Variants in SPON2 observed in about 807,000 individuals in gnomAD.
SPON2 encodes the protein spondin-2.
A neutral mutation model predicts 29.9 loss-of-function variants in SPON2; 32 were observed. The observed-to-expected ratio is 1.07, with a 90% CI of 0.81 to 1.44. The LOEUF (loss-of-function observed/expected upper bound fraction) is 1.44. Ranked by LOEUF, SPON2 falls within the 40% of genes most tolerant of loss-of-function variation. The pLI, the probability that SPON2 is intolerant of heterozygous loss-of-function variation, is 0.00. For missense variants in SPON2, 541 were observed against 455.5 expected, an observed-to-expected ratio of 1.19 and a Z score of -1.71; for synonymous variants, 248 against 209.1, an observed-to-expected ratio of 1.19 and a Z score of -1.61.
At position 1,167,446 on chromosome 4, in the gene SPON2, G is replaced by A. The variant is rs910341014; in HGVS notation, c.*26C>T. ...CCCCGACACCCCATGGCTCCGGGGG[G>A]CCCCAGGGGCTGCGGGGCTCTGGTC... On this transcript the variant is annotated 3_prime_UTR_variant, in exon 6 of 6. Coordinates refer to ENST00000290902, the MANE Select transcript of SPON2 (RefSeq NM_012445.4). The A allele has an allele frequency of 7.5e-6, 12 of 1,600,860 alleles. No individual in the cohort carries two copies. Among genetic ancestry groups the A allele is most frequent in the Non-Finnish European group, 9.4e-6 (11 of 1,172,392 alleles).
At position 1,171,181 on chromosome 4, in the gene SPON2, C is replaced by T; in HGVS notation, c.454G>A (p.Val152Met). The part of the protein sequence containing the change: ...VQRRHSLVSF[V>M]VRIVPSPDWF... ...TCGGGGCTGGGCACGATGCGCACCACAAACGAGACCTGCGGCGACAGCGGC... is the reference window on the plus strand; with the variant it reads ...TCGGGGCTGGGCACGATGCGCACCATAAACGAGACCTGCGGCGACAGCGGC... Residue 152 changes from valine (V) to methionine (M), a missense_variant, in exon 4 of 6, where the codon GTG (valine) becomes ATG (methionine). Coordinates refer to ENST00000290902, the MANE Select transcript of SPON2 (RefSeq NM_012445.4). 2 of 1,523,466 alleles carry T rather than the reference C, an allele frequency of 1.3e-6. No individual in the cohort carries two copies. The highest frequency in any genetic ancestry group is 1.8e-6 in the Non-Finnish European group (2 of 1,139,722). The allele number at this position is 1,523,466 out of a possible 1,614,324, so 94.4% of individuals were successfully genotyped here.
chr4:1,183,256 CAAAA>C (rs1377733019), intron 1 of SPON2, among the ~76,000 whole-genome samples: 1 of 118,792 alleles, frequency 8.4e-6, no homozygotes, highest in Non-Finnish European at 1.8e-5. Context: ...AAAAAAAAAA[CAAAA>C]AAGAAAGAGA....
intron 1 of SPON2, chr4:1,201,142 C>T (rs1020469484): frequency 2.2e-6 from 1 of 455,876 alleles, no homozygotes; most frequent in Non-Finnish European, 4.4e-6. Context: ...CAGCGGGACC[C>T]AGATTCCCTG....
chr4:1,201,551 G>C (rs1728205312), intron 1 of SPON2: 1 of 158,310 alleles, frequency 6.3e-6, no homozygotes, highest in Non-Finnish European at 1.4e-5. Context: ...GCCACACTGA[G>C]GTCCGCGCGC....
chr4:1,193,356 G>A (rs1050252384), intron 1 of SPON2, among the ~76,000 whole-genome samples: 5 of 152,080 alleles, frequency 3.3e-5, no homozygotes, highest in South Asian at 2.1e-4. Flanking sequence ...CCCCGTCACC[G>A]GGTATCTGTC....
intron 1 of SPON2, among the ~76,000 whole-genome samples, chr4:1,207,285 G>T (rs1031298447): frequency 6.6e-6 from 1 of 152,106 alleles, no homozygotes; most frequent in African/African-American, 2.4e-5. Flanking sequence ...GGGTGAGTCC[G>T]GCTGCTCGAC....
chr4:1,177,639 C>G (rs562594595), upstream of SPON2, among the ~76,000 whole-genome samples: 1 of 152,304 alleles, frequency 6.6e-6, no homozygotes, highest in South Asian at 2.1e-4. Context: ...CTTCAGGGGG[C>G]AGGGGTCCCA....
intron 1 of SPON2, chr4:1,201,026 T>C (rs777178399): frequency 2.2e-6 from 1 of 456,276 alleles, no homozygotes; most frequent in South Asian, 1.5e-5. Context: ...CCATACCTGG[T>C]CTGGGCTGAG....
chr4:1,200,972 G>A (rs1278000432), intron 1 of SPON2: 1 of 456,750 alleles, frequency 2.2e-6, no homozygotes, highest in Non-Finnish European at 4.4e-6. Context: ...TGTACGCCAG[G>A]GCCTTCTAGA....
chr4:1,167,440 C>T lies in SPON2; in HGVS notation c.*32G>A, dbSNP rs762551399. On this transcript the variant is annotated 3_prime_UTR_variant, in exon 6 of 6. Coordinates refer to ENST00000290902, the MANE Select transcript of SPON2 (RefSeq NM_012445.4). Reference sequence around the variant, plus strand: ...AGGAGCCCCCGACACCCCATGGCTCCGGGGGGCCCCAGGGGCTGCGGGGCT... The same window carrying T: ...AGGAGCCCCCGACACCCCATGGCTCTGGGGGGCCCCAGGGGCTGCGGGGCT... The T allele has an allele frequency of 8.1e-6, 13 of 1,595,786 alleles. No homozygotes were observed. The highest frequency in any genetic ancestry group is 9.4e-6 in the Non-Finnish European group (11 of 1,169,898).
upstream of SPON2, among the ~76,000 whole-genome samples, chr4:1,197,482 C>T (rs1728095251): frequency 6.6e-6 from 1 of 152,098 alleles, no homozygotes; most frequent in Non-Finnish European, 1.5e-5. Context: ...CCATAAATAT[C>T]AATCCATAAA....
At chr4:1,207,735 T>G (rs924731952) in intron 1 of SPON2, 1 of 154,546 alleles carries the variant, frequency 6.5e-6, no homozygotes, top group Non-Finnish European at 1.4e-5. Flanking sequence ...TAACCTTATA[T>G]TGTTCAAGTC....
In SPON2 at chr4:1,170,467, C is replaced by T. The variant is rs369188784; in HGVS notation, c.746G>A (p.Arg249Lys). ...GACTGGGGCGGGAGGGATGAAGGCC[C>T]TGGGGCTCTGTCGCAGCCGCACCAG... ...VTLVRLRQSPRAFIPPAPVLP... is the reference protein window; with the variant it reads ...VTLVRLRQSPKAFIPPAPVLP... The change falls in exon 5 of 6, where the codon AGG becomes AAG. Residue 249 changes from arginine to lysine, a missense_variant. Physicochemically the swap from Arg to Lys is conservative, Grantham distance 26. Coordinates refer to ENST00000290902, the MANE Select transcript of SPON2 (RefSeq NM_012445.4). 31 of 1,613,920 alleles carry T rather than the reference C, an allele frequency of 1.9e-5. No homozygotes were observed. The highest frequency in any genetic ancestry group is 2.5e-5 in the Non-Finnish European group (30 of 1,179,966).
At chr4:1,183,257 A>G (rs989960702) in intron 1 of SPON2, among the ~76,000 whole-genome samples, 1 of 144,644 alleles carries the variant, frequency 6.9e-6, no homozygotes, top group East Asian at 2.0e-4. Flanking sequence ...AAAAAAAAAC[A>G]AAAAAGAAAG....
upstream of SPON2, among the ~76,000 whole-genome samples, chr4:1,176,813 CCACAGTTCATTCATTCATTCA>C (rs1197309837): frequency 1.4e-5 from 2 of 141,314 alleles, no homozygotes; most frequent in African/African-American, 5.7e-5. Flanking sequence ...ATGCAATCAT[CCACAGTTCATTCATTCATTCA>C]CACAGTTCAT....
At chr4:1,192,618 G>A (rs1727935842) in intron 1 of SPON2, among the ~76,000 whole-genome samples, 1 of 152,214 alleles carries the variant, frequency 6.6e-6, no homozygotes. Context: ...CTAAGCCGGA[G>A]CTGCCCGGGG....
rs138693338 is a variant in SPON2, at chr4:1,202,718, C to T, written c.-234+5162G>A. Among the ~76,000 whole-genome samples the T allele has an allele frequency of 4.8e-4, 73 of 152,276 alleles. 2 individuals are homozygous for T. In the South Asian group the frequency reaches 0.01, roughly 22 times the overall value. On this transcript the variant is annotated intron_variant, in intron 1 of 3. Transcript: ENST00000509233. The surrounding 1 kb of genome is among the most constrained non-coding windows in gnomAD (Gnocchi z 5.4). ...GTGGGCATAGCCTCGGTGGGGACTCCGAGGCAGCTCCAACCCCACGATGAG... is the reference window on the plus strand; with the variant it reads ...GTGGGCATAGCCTCGGTGGGGACTCTGAGGCAGCTCCAACCCCACGATGAG...
At chr4:1,185,371 C>T (rs1030034115) in intron 1 of SPON2, among the ~76,000 whole-genome samples, 12 of 151,768 alleles carry the variant, frequency 7.9e-5, no homozygotes, top group African/African-American at 2.4e-4. Context: ...CCACCATGCC[C>T]GGCCAGAATA....
At position 1,171,482 on chromosome 4, in the gene SPON2, G is replaced by A. The variant is rs141880428; in HGVS notation, c.225C>T (p.Ala75=). Residue 75 remains alanine, a synonymous_variant, in exon 3 of 6, where the codon GCC becomes GCT. Transcript: ENST00000290902. The part of the protein sequence containing the change: ...PPAQWSSLLG[A]AHSSDYSMWR... ...ACATGCTGTAGTCGGAGCTATGCGC[G>A]GCCCCTGCAGGACCACCCGGCCGCG... 2 of 1,610,852 alleles carry A rather than the reference G, an allele frequency of 1.2e-6. No homozygotes were observed. The highest frequency in any genetic ancestry group is 2.2e-5 in the East Asian group (1 of 44,752).
Sources: allele counts gnomAD v4.1 joint callset (sites outside exome capture counted in the v4.1 genomes callset), GRCh38; gene constraint gnomAD v4.1.1; non-coding constraint Gnocchi (gnomAD v3.1); transcripts MANE v1.5; gene names NCBI Gene and HGNC (gene_info 2026-07-23, HGNC 2026-07-21).